SPIN1: variants seen among roughly 807,000 people sequenced by gnomAD.
The protein encoded by SPIN1 is spindlin-1.
A neutral mutation model predicts 26.0 loss-of-function variants in SPIN1; 3 were observed. The observed-to-expected ratio is 0.12, with a 90% CI of 0.05 to 0.30. SPIN1 has a LOEUF of 0.30. Ranked by LOEUF, SPIN1 falls within the 10% of genes least tolerant of loss-of-function variation. The pLI, the probability that SPIN1 is intolerant of heterozygous loss-of-function variation, is 1.00. For synonymous variants in SPIN1, 101 were observed against 116.5 expected, an observed-to-expected ratio of 0.87 and a Z score of 0.86; for missense variants, 126 against 333.4, an observed-to-expected ratio of 0.38 and a Z score of 4.84.
chr9:88,422,376 CTT>C (rs1476887178), intron 1 of SPIN1, among the ~76,000 whole-genome samples: 1 of 152,104 alleles, frequency 6.6e-6, no homozygotes, highest in Non-Finnish European at 1.5e-5. Flanking sequence ...AGTAGAATAA[CTT>C]AAGGTGAAGA....
chr9:88,436,241 C>G (rs1317734754), intron 2 of SPIN1, among the ~76,000 whole-genome samples: 1 of 152,138 alleles, frequency 6.6e-6, no homozygotes, highest in African/African-American at 2.4e-5. Flanking sequence ...GACTTTCTAG[C>G]TCAGTGTTGA....
chr9:88,396,141 C>T (rs565124139), intron 1 of SPIN1, among the ~76,000 whole-genome samples: 2 of 150,692 alleles, frequency 1.3e-5, no homozygotes, highest in African/African-American at 2.4e-5. Context: ...CCCAGCTACT[C>T]CTCATGAGAG....
At chr9:88,393,574 G>C (rs1826982816) in intron 1 of SPIN1, among the ~76,000 whole-genome samples, 1 of 145,310 alleles carries the variant, frequency 6.9e-6, no homozygotes, top group South Asian at 2.3e-4. Context: ...TCCTGCCTCA[G>C]CCTCCCGAAT....
At chr9:88,431,316 CAA>C (rs892062466) in intron 2 of SPIN1, among the ~76,000 whole-genome samples, 6 of 149,070 alleles carry the variant, frequency 4.0e-5, no homozygotes, top group African/African-American at 1.5e-4. Context: ...GATGGAGTCT[CAA>C]GAGCTCTGTC....
Position 88,452,186 on chromosome 9 carries a change from A to T in SPIN1, c.101+3197A>T, listed in dbSNP as rs537570511. The stretch of plus-strand genomic sequence containing the variant: ...TCCTCCTTGTCCCTAGTGTGTTCTC[A>T]TGTAGTTTTCATGATAGCCCTGTCA... On this transcript the variant is annotated intron_variant, in intron 3 of 5. Coordinates refer to ENST00000375859, the MANE Select transcript of SPIN1 (RefSeq NM_006717.3). Among the ~76,000 whole-genome samples, 6 of 152,144 alleles carry T rather than the reference A, an allele frequency of 3.9e-5. No individual in the cohort carries two copies. In the East Asian group the frequency reaches 9.7e-4, roughly 25 times the overall value.
intron 1 of SPIN1, among the ~76,000 whole-genome samples, chr9:88,407,262 G>A (rs1236123605): frequency 6.6e-6 from 1 of 151,494 alleles, no homozygotes; most frequent in Non-Finnish European, 1.5e-5. Context: ...TCAGCCTCCC[G>A]AATAGCTGGG....
chr9:88,410,844 A>C, intron 1 of SPIN1: 1 of 909,298 alleles, frequency 1.1e-6, no homozygotes, highest in Non-Finnish European at 1.8e-6. Flanking sequence ...CACTGAAACC[A>C]CCTCCACGAC....
chr9:88,471,350 C>G (rs1409229956), intron 5 of SPIN1, among the ~76,000 whole-genome samples: 1 of 151,952 alleles, frequency 6.6e-6, no homozygotes, highest in African/African-American at 2.4e-5. Context: ...TTTGAAAAGA[C>G]TATTCTTTCC....
intron 1 of SPIN1, among the ~76,000 whole-genome samples, chr9:88,409,338 A>T: frequency 1.4e-5 from 2 of 147,482 alleles, no homozygotes; most frequent in Non-Finnish European, 1.5e-5. Flanking sequence ...GTTTTTATTC[A>T]TTTTGTCTCC....
chr9:88,472,530 G>A (rs948813922), intron 5 of SPIN1, among the ~76,000 whole-genome samples: 5 of 151,768 alleles, frequency 3.3e-5, no homozygotes, highest in Middle Eastern at 6.8e-3. Flanking sequence ...GTCTTGCTCT[G>A]TTGCCAGGCT....
intron 3 of SPIN1, among the ~76,000 whole-genome samples, chr9:88,451,219 A>G (rs1178879004): frequency 6.6e-6 from 1 of 152,180 alleles, no homozygotes; most frequent in Non-Finnish European, 1.5e-5. Flanking sequence ...CTGGGGCTCA[A>G]TGACGGTGGC....
intron 2 of SPIN1, 105 bp downstream of exon 2, chr9:88,426,696 T>C (rs1827770043): frequency 9.0e-6 from 9 of 999,404 alleles, no homozygotes; most frequent in Admixed American, 2.4e-5. Context: ...TGAAAAACTT[T>C]GTCATTTCTA....
chr9:88,397,712 C>G (rs1452007593), intron 1 of SPIN1, among the ~76,000 whole-genome samples: 1 of 151,886 alleles, frequency 6.6e-6, no homozygotes, highest in Non-Finnish European at 1.5e-5. Flanking sequence ...GTCTCCACTT[C>G]CCAGGTTCTA....
chr9:88,459,837 A>G (rs955368235), intron 3 of SPIN1, among the ~76,000 whole-genome samples: 1 of 152,128 alleles, frequency 6.6e-6, no homozygotes, highest in African/African-American at 2.4e-5. Context: ...TGCGGCCTTT[A>G]TACTTGAAGG....
In SPIN1 at chr9:88,462,519, C is replaced by A; in HGVS notation, c.125C>A (p.Pro42Gln). The change falls in exon 4 of 6, where the codon CCG becomes CAG. Residue 42 changes from proline to glutamine, a missense_variant. Physicochemically the swap from Pro to Gln is moderately conservative, Grantham distance 76. Coordinates refer to ENST00000375859, the MANE Select transcript of SPIN1 (RefSeq NM_006717.3). ...SHKKHRSSVG[P>Q]SKPVSQPRRN... is the part of the protein sequence containing the mutation. ...AGAAAACATCGGAGCAGTGTGGGTC[C>A]GAGCAAACCTGTTTCCCAGCCCCGG... 1 of 1,613,992 alleles carries A rather than the reference C, an allele frequency of 6.2e-7. No individual in the cohort carries two copies. The highest frequency in any genetic ancestry group is 8.5e-7 in the Non-Finnish European group (1 of 1,179,942).
intron 1 of SPIN1, among the ~76,000 whole-genome samples, chr9:88,425,976 A>G (rs1827757447): frequency 6.6e-6 from 1 of 151,700 alleles, no homozygotes; most frequent in Non-Finnish European, 1.5e-5. Context: ...TCCCACCCCC[A>G]TACTCTGTTT....
rs573782809 is a variant in SPIN1, at chr9:88,440,155, A to T, written c.53-8786A>T. On this transcript the variant is annotated intron_variant, in intron 2 of 5. Coordinates refer to ENST00000375859, the MANE Select transcript of SPIN1 (RefSeq NM_006717.3). ...ATATCAAGGATATTTTTTGTTTTTAATTTTTTTTTTAATTTTTAAAAATAG... is the reference window on the plus strand; with the variant it reads ...ATATCAAGGATATTTTTTGTTTTTATTTTTTTTTTTAATTTTTAAAAATAG... Among the ~76,000 whole-genome samples the T allele has an allele frequency of 3.2e-3, 456 of 142,318 alleles. 2 individuals carry two copies. The highest frequency in any genetic ancestry group is 0.011 in the African/African-American group (429 of 38,582). The allele number at this position is 142,318 out of a possible 152,430, so 93.4% of individuals were successfully genotyped here. A position where few individuals can be genotyped will look rare whatever the true frequency, so the allele number is the denominator to read the frequency against.
At chr9:88,462,098 G>T (rs572779474) in intron 3 of SPIN1, among the ~76,000 whole-genome samples, 1 of 152,164 alleles carries the variant, frequency 6.6e-6, no homozygotes, top group African/African-American at 2.4e-5. Flanking sequence ...CTATATACCT[G>T]TGTGATTATT....
At chr9:88,426,708 TA>T (rs1301104568) in intron 2 of SPIN1, 117 bp downstream of exon 2, 33 of 818,344 alleles carry the variant, frequency 4.0e-5, no homozygotes, top group Non-Finnish European at 6.2e-5. Context: ...TCATTTCTAG[TA>T]TGTTATACAC....
Sources: allele counts gnomAD v4.1 joint callset (sites outside exome capture counted in the v4.1 genomes callset), GRCh38; gene constraint gnomAD v4.1.1; transcripts MANE v1.5; gene names NCBI Gene and HGNC (gene_info 2026-07-23, HGNC 2026-07-21).